Variants in CD99L2 observed in about 807,000 individuals in gnomAD.
CD99L2 encodes CD99 molecule like 2.
A neutral mutation model predicts 27.3 loss-of-function variants in CD99L2; 24 were observed. The observed-to-expected ratio is 0.88, with a 90% CI of 0.64 to 1.24. The LOEUF is 1.24. Among genes scored for constraint, CD99L2 ranks in the 50% most tolerant of loss-of-function variants. The probability of loss-of-function intolerance (pLI) is 0.00; values close to 1 mark genes in which losing one functional copy is unlikely to be tolerated. For synonymous variants in CD99L2, 97 were observed against 87.9 expected (o/e 1.10, Z -0.58); for missense variants, 255 against 221.6 (o/e 1.15, Z -0.96).
chrX:150,776,249 G>A lies in CD99L2; in HGVS notation c.580C>T (p.Leu194=). Residue 194 remains leucine, a synonymous_variant, in exon 9 of 11, where the codon CTG becomes TTG. Transcript: ENST00000370377. ...ACGGCACCGATGAGGGCCATGGCCA[G>A]GGCGCTGGCCACCCCGGCAATGGTG... The part of the protein sequence containing the change: ...PGTIAGVASA[L]AMALIGAVSS... The A allele has an allele frequency of 8.3e-7, 1 of 1,211,305 alleles. No homozygotes were observed.
At chrX:150,891,613 C>T (rs902800127) in intron 1 of CD99L2, among the ~76,000 whole-genome samples, 21 of 112,050 alleles carry the variant, frequency 1.9e-4, no homozygotes, top group Non-Finnish European at 3.8e-4. Context: ...TTTCCCTTGC[C>T]ATGGAGCCTA....
intron 9 of CD99L2, chrX:150,771,933 C>A: frequency 1.1e-6 from 1 of 887,387 alleles, no homozygotes; most frequent in Non-Finnish European, 1.6e-6. Flanking sequence ...GGGTCCCCAG[C>A]ATGGGCCTTT....
intron 1 of CD99L2, among the ~76,000 whole-genome samples, chrX:150,855,726 T>C (rs1311564123): frequency 3.6e-5 from 4 of 110,731 alleles, no homozygotes; most frequent in African/African-American, 9.9e-5. Flanking sequence ...CATGTGAACA[T>C]GGAGGCAGAG....
chrX:150,854,908 C>G (rs1557421691), intron 1 of CD99L2, among the ~76,000 whole-genome samples: 2 of 110,745 alleles, frequency 1.8e-5, no homozygotes, highest in African/African-American at 6.6e-5. Context: ...GCTGCCCCCC[C>G]TCCCCCCGGT....
intron 1 of CD99L2, among the ~76,000 whole-genome samples, chrX:150,859,064 T>A (rs2046934502): frequency 8.9e-6 from 1 of 111,976 alleles, no homozygotes; most frequent in African/African-American, 3.2e-5. Flanking sequence ...TATCAGAGAC[T>A]ATTATGAACA....
intron 4 of CD99L2, among the ~76,000 whole-genome samples, chrX:150,798,320 G>A (rs1230351517): frequency 9.6e-6 from 1 of 103,859 alleles, no homozygotes; most frequent in South Asian, 4.8e-4. Flanking sequence ...GGGGAGAAAG[G>A]AAAGGAAAAG....
chrX:150,805,483 C>CA (rs1411464093), intron 4 of CD99L2, among the ~76,000 whole-genome samples: 1 of 111,042 alleles, frequency 9.0e-6, no homozygotes, highest in East Asian at 2.8e-4. Context: ...GTTCTCACCA[C>CA]AAAAATATGT....
Position 150,795,210 on chromosome X carries a change from T to C in CD99L2, c.426A>G (p.Gly142=), listed in dbSNP as rs1569565929. The part of the protein sequence containing the change: ...DDGRRKPIAG[G]GGFSDKDLED... Reference sequence around the variant, plus strand: ...ACCAGACCAGGTGGGACTCACCTCCTCCTCCAGCAATTGGTTTCCTGCGGC... The same window carrying C: ...ACCAGACCAGGTGGGACTCACCTCCCCCTCCAGCAATTGGTTTCCTGCGGC... Residue 142 remains glycine (G), a synonymous_variant, in exon 6 of 11, where the codon GGA becomes GGG. Coordinates refer to ENST00000370377, the MANE Select transcript of CD99L2 (RefSeq NM_031462.4). 1.7e-6 allele frequency: 2 copies of C among 1,211,295 alleles called. No individual in the cohort carries two copies. Among genetic ancestry groups the C allele is most frequent in the South Asian group, 1.8e-5 (1 of 56,948 alleles).
chrX:150,787,934 T>G (rs1437287530), intron 7 of CD99L2, among the ~76,000 whole-genome samples: 3 of 79,673 alleles, frequency 3.8e-5, no homozygotes, highest in Admixed American at 1.4e-4. Context: ...ATAAAAGGAG[T>G]CCTTTCCCCA....
At chrX:150,817,026 A>C (rs1480243328) in intron 2 of CD99L2, among the ~76,000 whole-genome samples, 1 of 73,864 alleles carries the variant, frequency 1.4e-5, no homozygotes, top group African/African-American at 5.3e-5. Context: ...GAAGGGGAAC[A>C]TCACACTCTG....
intron 1 of CD99L2, among the ~76,000 whole-genome samples, chrX:150,854,710 G>A (rs1179654913): frequency 1.8e-5 from 2 of 110,991 alleles, no homozygotes; most frequent in Non-Finnish European, 3.8e-5. Flanking sequence ...TCAGAAGAGC[G>A]GCCTGGAACA....
intron 1 of CD99L2, among the ~76,000 whole-genome samples, chrX:150,886,229 A>G (rs150625598): frequency 1.6e-4 from 18 of 112,553 alleles, no homozygotes; most frequent in African/African-American, 5.2e-4. Flanking sequence ...AAACAGAGCG[A>G]TATTTCAAAG....
chrX:150,870,028 G>A (rs1216477545), intron 1 of CD99L2, among the ~76,000 whole-genome samples: 1 of 111,254 alleles, frequency 9.0e-6, no homozygotes, highest in Non-Finnish European at 1.9e-5. Flanking sequence ...TAATTTTAAT[G>A]CAATTAACTA....
At chrX:150,789,952 T>C (rs1435310672) in intron 7 of CD99L2, among the ~76,000 whole-genome samples, 2 of 112,311 alleles carry the variant, frequency 1.8e-5, no homozygotes, top group African/African-American at 3.2e-5. Context: ...CAAGATGTCC[T>C]TCAGCAGGTG....
chrX:150,799,840 C>T (rs1209002933), intron 4 of CD99L2, among the ~76,000 whole-genome samples: 1 of 111,662 alleles, frequency 9.0e-6, no homozygotes, highest in Non-Finnish European at 1.9e-5. Context: ...AAATGTGAAA[C>T]AGAGTTACCA....
intron 9 of CD99L2, among the ~76,000 whole-genome samples, chrX:150,772,532 G>C (rs1278439134): frequency 8.9e-6 from 1 of 112,794 alleles, no homozygotes; most frequent in Non-Finnish European, 1.9e-5. Context: ...ACCATGAAGG[G>C]CTTCCACTGC....
At position 150,772,637 on chromosome X, in the gene CD99L2, TGGA is replaced by T. The variant is rs782407597; in HGVS notation, c.656-2271_656-2269del. ...GGTCCCGCTGGAGGAGCGTGAGGTG[TGGA>T]GGAGACTGCACAGGCAAAAAGGTCT... On this transcript the variant is annotated intron_variant, in intron 9 of 10. Transcript: ENST00000370377. Among the ~76,000 whole-genome samples the T allele has an allele frequency of 8.0e-5, 9 of 112,455 alleles. No individual in the cohort carries two copies. In the South Asian group the frequency reaches 3.2e-3, roughly 40 times the overall value.
intron 7 of CD99L2, among the ~76,000 whole-genome samples, chrX:150,786,840 C>T (rs782002981): frequency 8.9e-6 from 1 of 112,250 alleles, no homozygotes; most frequent in East Asian, 2.8e-4. Context: ...ATCAGCAGTG[C>T]ATAAATGTTC....
At chrX:150,796,142 A>C (rs1328850034) in intron 4 of CD99L2, among the ~76,000 whole-genome samples, 1 of 112,397 alleles carries the variant, frequency 8.9e-6, no homozygotes, top group East Asian at 2.8e-4. Context: ...GAGGGAAAAG[A>C]CAGAGACAGT....
Sources: gnomAD v4.1 joint callset for allele counts (sites outside exome capture counted in the v4.1 genomes callset) on GRCh38, gnomAD v4.1.1 for gene constraint, MANE v1.5 for transcripts, NCBI Gene and HGNC (gene_info 2026-07-23, HGNC 2026-07-21) for gene names.